The following TUSC3 variants were observed in gnomAD, a reference collection of about 807,000 sequenced individuals.
TUSC3 encodes the protein tumor suppressor candidate 3, also known as dolichyl-diphosphooligosaccharide--protein glycosyltransferase subunit TUSC3.
TUSC3 carries 45 observed loss-of-function variants against 44.8 expected under a neutral mutation model. That is an observed-to-expected ratio of 1.00 (90% CI 0.79 to 1.29). The LOEUF (loss-of-function observed/expected upper bound fraction) is 1.29, where lower values mean the gene tolerates loss of function less well. TUSC3 is among the 50% of genes most tolerant of loss of function. The pLI is 0.00. For missense variants in TUSC3, 519 were observed against 437.9 expected (o/e 1.19, Z -1.65); for synonymous variants, 212 against 152.9 (o/e 1.39, Z -2.85).
chr8:15,850,790 G>C, the TUSC3 span, among the ~76,000 whole-genome samples: 3 of 152,160 alleles, frequency 2.0e-5, no homozygotes, highest in African/African-American at 4.8e-5. Flanking sequence ...AAAAAAATGA[G>C]TGTGCTATAT....
At chr8:15,437,021 T>C (rs1799956622) in intron 1 of TUSC3, among the ~76,000 whole-genome samples, 1 of 152,270 alleles carries the variant, frequency 6.6e-6, no homozygotes, top group African/African-American at 2.4e-5. Context: ...ACACAGGAAA[T>C]GGGAACAATT....
intron 1 of TUSC3, among the ~76,000 whole-genome samples, chr8:15,422,345 G>A (rs929738058): frequency 2.6e-5 from 4 of 152,006 alleles, no homozygotes; most frequent in African/African-American, 9.7e-5. Flanking sequence ...ATACCACATG[G>A]TATCCATTTC....
chr8:15,792,734 G>C, the TUSC3 span, among the ~76,000 whole-genome samples: 4 of 152,072 alleles, frequency 2.6e-5, no homozygotes, highest in East Asian at 7.8e-4. Flanking sequence ...TGGTGCCTCA[G>C]CTCCTCGAGT....
chr8:15,844,688 A>G, the TUSC3 span, among the ~76,000 whole-genome samples: 1 of 152,166 alleles, frequency 6.6e-6, no homozygotes, highest in Non-Finnish European at 1.5e-5. Flanking sequence ...TGGTCCTAGG[A>G]CAGTCATTCT....
chr8:15,738,827 CT>C (rs375655033), intron 7 of TUSC3, among the ~76,000 whole-genome samples: 154 of 87,204 alleles, frequency 1.8e-3, no homozygotes, highest in African/African-American at 3.7e-3. Context: ...ATATATCTTG[CT>C]TTTTTTTTTT....
chr8:15,847,016 G>C, the TUSC3 span, among the ~76,000 whole-genome samples: 1 of 152,086 alleles, frequency 6.6e-6, no homozygotes, highest in Non-Finnish European at 1.5e-5. Context: ...AGGAGTCTCT[G>C]GGCTACTTCA....
intron 6 of TUSC3, among the ~76,000 whole-genome samples, chr8:15,716,025 G>T (rs186826120): frequency 2.0e-5 from 3 of 152,212 alleles, no homozygotes; most frequent in East Asian, 3.9e-4. Context: ...GGAGGCCACG[G>T]CAGGCGGTTC....
intron 1 of TUSC3, among the ~76,000 whole-genome samples, chr8:15,613,536 G>T (rs149096124): frequency 6.6e-6 from 1 of 152,202 alleles, no homozygotes; most frequent in African/African-American, 2.4e-5. Flanking sequence ...TGTACATGCT[G>T]TCTCTTGCCT....
rs1801638811 is a variant in TUSC3 at position 15,540,423 on chromosome 8, C to T, written c.-8C>T. ...TACCGCGCGTGGAGGAGACACTGCC[C>T]TGCCGCGATGGGGGCCCGGGGCGCT... On this transcript the variant is annotated 5_prime_UTR_variant, in exon 1 of 11. Coordinates refer to ENST00000503731, the MANE Select transcript of TUSC3 (RefSeq NM_006765.4). 4 of 1,579,546 alleles carry T rather than the reference C, an allele frequency of 2.5e-6. No homozygotes were observed. In the East Asian group the frequency reaches 9.3e-5, roughly 37 times the overall value.
intron 7 of TUSC3, among the ~76,000 whole-genome samples, chr8:15,736,275 T>G (rs1177465352): frequency 1.3e-5 from 2 of 152,186 alleles, no homozygotes; most frequent in Non-Finnish European, 2.9e-5. Context: ...ACAATTATGT[T>G]CTTAAAAAGT....
the TUSC3 span, chr8:15,806,319 C>A: frequency 5.6e-6 from 4 of 711,480 alleles, no homozygotes; most frequent in Non-Finnish European, 1.1e-5. Flanking sequence ...GTCAGGGACA[C>A]CTTCCCCCTG....
At chr8:15,421,691 A>G (rs538384935) in intron 1 of TUSC3, among the ~76,000 whole-genome samples, 1 of 152,198 alleles carries the variant, frequency 6.6e-6, no homozygotes, top group South Asian at 2.1e-4. Flanking sequence ...ACAGATACTG[A>G]ATGTTAAAGG....
chr8:15,717,634 TG>T (rs1337038330), intron 6 of TUSC3, among the ~76,000 whole-genome samples: 1 of 152,246 alleles, frequency 6.6e-6, no homozygotes. Context: ...TAACCATCTT[TG>T]GAGTCTTTCC....
chr8:15,623,949 C>T (rs554290498), intron 2 of TUSC3, among the ~76,000 whole-genome samples: 7 of 152,164 alleles, frequency 4.6e-5, no homozygotes, highest in East Asian at 1.9e-4. Context: ...TAAAGTCACC[C>T]GCACTCTCCA....
chr8:15,520,912 C>T (rs778343034), intron 2 of TUSC3, among the ~76,000 whole-genome samples: 1 of 152,200 alleles, frequency 6.6e-6, no homozygotes, highest in African/African-American at 2.4e-5. Context: ...AATGACAAAG[C>T]TGTCAGCCAA....
the TUSC3 span, among the ~76,000 whole-genome samples, chr8:15,838,595 AC>A: frequency 6.6e-6 from 1 of 152,150 alleles, no homozygotes; most frequent in African/African-American, 2.4e-5. Flanking sequence ...TTTTCGCAGC[AC>A]CATTTATTAA....
the TUSC3 span, among the ~76,000 whole-genome samples, chr8:15,851,048 G>A: frequency 1.9e-4 from 29 of 152,312 alleles, no homozygotes; most frequent in South Asian, 2.3e-3. Context: ...TAGTGAACAG[G>A]TGTAACGTGT....
At chr8:15,802,858 C>T in the TUSC3 span, among the ~76,000 whole-genome samples, 4,021 of 151,398 alleles carry the variant, frequency 0.027, 181 homozygotes, top group African/African-American at 0.092. Context: ...TCACTAACTG[C>T]GTTCATACTC....
chr8:15,644,874 G>C (rs896313287), intron 2 of TUSC3, among the ~76,000 whole-genome samples: 1 of 152,018 alleles, frequency 6.6e-6, no homozygotes, highest in African/African-American at 2.4e-5. Context: ...TTTTCCCCAA[G>C]TATTGTATTT....
Sources: gnomAD v4.1 joint callset for allele counts (sites outside exome capture counted in the v4.1 genomes callset) on GRCh38, gnomAD v4.1.1 for gene constraint, MANE v1.5 for transcripts, NCBI Gene and HGNC (gene_info 2026-07-23, HGNC 2026-07-21) for gene names.